The following SHANK2 variants were observed in gnomAD, a reference collection of about 807,000 sequenced individuals.
SHANK2 encodes SH3 and multiple ankyrin repeat domains 2.
SHANK2 carries 43 observed loss-of-function variants against 133.7 expected under a neutral mutation model. The observed-to-expected ratio is 0.32, with a 90% confidence interval of 0.25 to 0.41. The LOEUF is 0.41. SHANK2 is among the 10% of genes least tolerant of loss of function. SHANK2 has a pLI of 1.00. For missense variants in SHANK2, 1,994 were observed against 2,235.8 expected, an observed-to-expected ratio of 0.89 and a Z score of 2.18; for synonymous variants, 1,017 against 952.8, an observed-to-expected ratio of 1.07 and a Z score of -1.24.
intron 11 of SHANK2, among the ~76,000 whole-genome samples, chr11:70,841,362 G>A (rs868936306): frequency 2.6e-5 from 4 of 152,208 alleles, no homozygotes; most frequent in African/African-American, 9.6e-5. Flanking sequence ...AACAGCTCAC[G>A]GCTTCCATCT....
intron 14 of SHANK2, among the ~76,000 whole-genome samples, chr11:70,738,198 G>A (rs540452628): frequency 4.9e-4 from 74 of 152,400 alleles, no homozygotes; most frequent in African/African-American, 1.5e-3. Flanking sequence ...GCAATGCCAC[G>A]AGTTTCAAAA....
intron 15 of SHANK2, among the ~76,000 whole-genome samples, chr11:70,674,697 G>C (rs540649639): frequency 6.6e-6 from 1 of 152,346 alleles, no homozygotes; most frequent in South Asian, 2.1e-4. Context: ...ACCAGGCAAC[G>C]GCCCAGAGAG....
chr11:70,737,552 T>G (rs1946430426), intron 14 of SHANK2, among the ~76,000 whole-genome samples: 1 of 152,168 alleles, frequency 6.6e-6, no homozygotes, highest in Non-Finnish European at 1.5e-5. Flanking sequence ...GCCACCTCCA[T>G]CGCATTGAGT....
intron 17 of SHANK2, among the ~76,000 whole-genome samples, chr11:70,574,111 T>C (rs1322436629): frequency 6.6e-6 from 1 of 152,236 alleles, no homozygotes; most frequent in Non-Finnish European, 1.5e-5. Context: ...ACTCGGCCAG[T>C]TCCTCTTGTC....
At chr11:71,129,447 G>A (rs545443418) in intron 3 of SHANK2, among the ~76,000 whole-genome samples, 12 of 152,256 alleles carry the variant, frequency 7.9e-5, no homozygotes, top group African/African-American at 2.6e-4. Context: ...AAGAGCAGGC[G>A]AGGCAACATA....
intron 11 of SHANK2, among the ~76,000 whole-genome samples, chr11:70,876,892 G>A (rs997534073): frequency 3.3e-5 from 5 of 152,202 alleles, no homozygotes; most frequent in Non-Finnish European, 5.9e-5. Context: ...CTCTGGTCCC[G>A]TGACTGCCTC....
chr11:70,877,901 A>G (rs1431066128), intron 11 of SHANK2, among the ~76,000 whole-genome samples: 1 of 152,234 alleles, frequency 6.6e-6, no homozygotes, highest in Non-Finnish European at 1.5e-5. Flanking sequence ...TTGACTCAAC[A>G]AATATTTGTC....
rs187693281 is a variant in SHANK2, at chr11:70,601,643, C to T, written c.2061+58185G>A. Among the ~76,000 whole-genome samples, 123 of 152,254 alleles carry T rather than the reference C, an allele frequency of 8.1e-4. 1 individual carries two copies. The highest frequency in any genetic ancestry group is 2.9e-3 in the African/African-American group (119 of 41,540). The stretch of plus-strand genomic sequence containing the variant: ...CTGAGATTACAGGCGTGAGCCACCG[C>T]GCCCGGCCAGTAAAGAGAATATATA... On this transcript the variant is annotated intron_variant, in intron 17 of 25. Coordinates refer to ENST00000601538, the MANE Select transcript of SHANK2 (RefSeq NM_012309.5).
chr11:71,240,291 C>A (rs556367127), intron 1 of SHANK2, among the ~76,000 whole-genome samples: 5 of 152,302 alleles, frequency 3.3e-5, no homozygotes, highest in East Asian at 3.9e-4. Context: ...CAGTGCAGAA[C>A]CCTGATTAAT....
At chr11:70,909,543 A>G (rs529027616) in intron 10 of SHANK2, among the ~76,000 whole-genome samples, 4 of 152,276 alleles carry the variant, frequency 2.6e-5, no homozygotes, top group Admixed American at 2.0e-4. Context: ...GAGGAAGTAG[A>G]GCTGTCGTGA....
intron 2 of SHANK2, among the ~76,000 whole-genome samples, chr11:71,211,421 C>A (rs189897710): frequency 6.6e-6 from 1 of 151,800 alleles, no homozygotes; most frequent in East Asian, 1.9e-4. Context: ...GCCTGTAATC[C>A]CAGCTACCTG....
intron 11 of SHANK2, among the ~76,000 whole-genome samples, chr11:70,845,020 G>A (rs1466734570): frequency 2.6e-5 from 4 of 151,832 alleles, no homozygotes; most frequent in Non-Finnish European, 5.9e-5. Context: ...CCAAGATGCT[G>A]AAACCCCGTC....
At chr11:70,799,741 A>C (rs987912422) in intron 13 of SHANK2, among the ~76,000 whole-genome samples, 1 of 152,254 alleles carries the variant, frequency 6.6e-6, no homozygotes, top group Non-Finnish European at 1.5e-5. Flanking sequence ...CGGCCACCCC[A>C]GCCTACAGGG....
intron 14 of SHANK2, among the ~76,000 whole-genome samples, chr11:70,772,270 T>C (rs1424384750): frequency 5.3e-5 from 8 of 151,642 alleles, no homozygotes; most frequent in Non-Finnish European, 1.2e-4. Flanking sequence ...TGAAATCCCA[T>C]CTCCAAGAAA....
chr11:70,555,882 C>T (rs1157744897), intron 17 of SHANK2, among the ~76,000 whole-genome samples: 2 of 152,226 alleles, frequency 1.3e-5, no homozygotes, highest in African/African-American at 2.4e-5. Context: ...TAATCCACAG[C>T]AAGGCCCTAA....
intron 17 of SHANK2, among the ~76,000 whole-genome samples, chr11:70,575,120 G>C (rs1217935772): frequency 2.6e-5 from 4 of 152,110 alleles, no homozygotes; most frequent in Non-Finnish European, 5.9e-5. Context: ...GCTCTGGGTG[G>C]GGACAAGGAC....
intron 11 of SHANK2, among the ~76,000 whole-genome samples, chr11:70,880,315 G>T (rs1006972861): frequency 3.9e-5 from 6 of 152,240 alleles, no homozygotes; most frequent in Non-Finnish European, 7.3e-5. Context: ...AAGGGCTGTG[G>T]TCAGCTGGGG....
intron 11 of SHANK2, among the ~76,000 whole-genome samples, chr11:70,841,585 T>C (rs1314446227): frequency 6.6e-6 from 1 of 151,948 alleles, no homozygotes; most frequent in African/African-American, 2.4e-5. Context: ...TCCAGGAGGG[T>C]CTCCACCTTG....
intron 10 of SHANK2, among the ~76,000 whole-genome samples, chr11:70,915,272 T>A (rs1195555444): frequency 1.3e-5 from 2 of 152,118 alleles, no homozygotes; most frequent in African/African-American, 4.8e-5. Context: ...GGGCTGCTGT[T>A]CCCAAATCCG....
Sources: gnomAD v4.1 joint callset for allele counts (sites outside exome capture counted in the v4.1 genomes callset) on GRCh38, gnomAD v4.1.1 for gene constraint, MANE v1.5 for transcripts, NCBI Gene and HGNC (gene_info 2026-07-23, HGNC 2026-07-21) for gene names.